Variants in PPP2R2B observed in about 807,000 individuals in gnomAD.
The protein encoded by PPP2R2B is serine/threonine-protein phosphatase 2A 55 kDa regulatory subunit B beta isoform.
A neutral mutation model predicts 46.0 loss-of-function variants in PPP2R2B; 5 were observed. That is an observed-to-expected ratio of 0.11 (90% CI 0.06 to 0.23). The LOEUF is 0.23. PPP2R2B is among the 10% of genes least tolerant of loss of function. The pLI, the probability that PPP2R2B is intolerant of heterozygous loss-of-function variation, is 1.00. For missense variants in PPP2R2B, 367 were observed against 575.0 expected (o/e 0.64, Z 3.70); for synonymous variants, 215 against 206.7 (o/e 1.04, Z -0.34).
chr5:146,769,812 T>C (rs927841095), intron 2 of PPP2R2B, among the ~76,000 whole-genome samples: 1 of 152,104 alleles, frequency 6.6e-6, no homozygotes, highest in African/African-American at 2.4e-5. Flanking sequence ...TAAAAACAGG[T>C]AAATACACAA....
At chr5:146,617,182 G>C (rs975916523) in intron 7 of PPP2R2B, among the ~76,000 whole-genome samples, 1 of 152,102 alleles carries the variant, frequency 6.6e-6, no homozygotes, top group African/African-American at 2.4e-5. Context: ...AAACAATTGA[G>C]TTCATGGAGA....
Position 146,925,476 on chromosome 5 carries a change from C to T in PPP2R2B, c.79+130189G>A, listed in dbSNP as rs76989914. 5.6e-3 allele frequency among the ~76,000 whole-genome samples: 855 copies of T among 152,282 alleles called. 28 individuals are homozygous for T. In the East Asian group the frequency reaches 0.066, roughly 12 times the overall value. On this transcript the variant is annotated intron_variant, in intron 1 of 8. Coordinates refer to the PPP2R2B transcript ENST00000336640. ...GATGTGCTATTCTTCTTCCTTCTGG[C>T]ATCCATGGTTTTAGATGAGAAGCCA...
chr5:146,877,866 G>T, intron 2 of PPP2R2B, 136 bp downstream of exon 2: 2 of 1,044,836 alleles, frequency 1.9e-6, no homozygotes, highest in Non-Finnish European at 1.4e-6. Flanking sequence ...TGGGGCTGCC[G>T]GGGCCAGCCG....
intron 1 of PPP2R2B, among the ~76,000 whole-genome samples, chr5:146,925,336 TA>T (rs1763747590): frequency 2.0e-5 from 3 of 152,232 alleles, no homozygotes; most frequent in Admixed American, 6.5e-5. Flanking sequence ...CTGCTAGCAA[TA>T]CATTTGCTCA....
chr5:146,609,787 G>A (rs1307767630), intron 7 of PPP2R2B, among the ~76,000 whole-genome samples: 1 of 133,606 alleles, frequency 7.5e-6, no homozygotes, highest in Non-Finnish European at 1.6e-5. Flanking sequence ...TTTCAGACCG[G>A]CTTAAGAAAC....
rs904956663 is a variant in PPP2R2B, at chr5:146,669,477, T to A, written c.448-18753A>T. 2.0e-5 allele frequency among the ~76,000 whole-genome samples: 3 copies of A among 152,050 alleles called. No individual in the cohort carries two copies. In the East Asian group the frequency reaches 5.8e-4, roughly 29 times the overall value. Reference sequence around the variant, plus strand: ...TTTGCATAGTTTATATTCTACATTATTCTTTATATCCTATATATTTATATG... The same window carrying A: ...TTTGCATAGTTTATATTCTACATTAATCTTTATATCCTATATATTTATATG... On this transcript the variant is annotated intron_variant, in intron 5 of 9. Transcript: ENST00000394411.
At chr5:146,800,302 A>T (rs757717639) in intron 2 of PPP2R2B, among the ~76,000 whole-genome samples, 5 of 150,908 alleles carry the variant, frequency 3.3e-5, no homozygotes, top group Admixed American at 1.3e-4. Flanking sequence ...TATATAAATT[A>T]TCTCACTTCA....
chr5:146,961,811 A>AC (rs1554080533), intron 1 of PPP2R2B, among the ~76,000 whole-genome samples: 1 of 151,766 alleles, frequency 6.6e-6, no homozygotes, highest in Non-Finnish European at 1.5e-5. Context: ...CATGGAGGAG[A>AC]TTTTTTTTCA....
rs1756774981 is a variant in PPP2R2B, at chr5:146,800,133, A to G, written c.70+77869T>C. Reference sequence around the variant, plus strand: ...CATGAAAGAAATAATATGGATTTTTATAGCTCTAGGTCCATGCATCTTGAT... The same window carrying G: ...CATGAAAGAAATAATATGGATTTTTGTAGCTCTAGGTCCATGCATCTTGAT... On this transcript the variant is annotated intron_variant, in intron 2 of 9. Coordinates refer to ENST00000394411, the MANE Select transcript of PPP2R2B (RefSeq NM_181675.4). 2.6e-5 allele frequency among the ~76,000 whole-genome samples: 4 copies of G among 152,218 alleles called. No individual in the cohort carries two copies. In the South Asian group the frequency reaches 8.3e-4, roughly 32 times the overall value.
chr5:146,765,746 C>T (rs1309038636), intron 2 of PPP2R2B, among the ~76,000 whole-genome samples: 1 of 152,076 alleles, frequency 6.6e-6, no homozygotes, highest in Middle Eastern at 3.2e-3. Flanking sequence ...TATTTCACAC[C>T]ACAGGAAGTG....
intron 1 of PPP2R2B, among the ~76,000 whole-genome samples, chr5:146,937,073 G>A (rs992648772): frequency 2.0e-5 from 3 of 152,070 alleles, no homozygotes; most frequent in Non-Finnish European, 4.4e-5. Context: ...AAGCCAAGGC[G>A]GGCGGATGAC....
intron 2 of PPP2R2B, among the ~76,000 whole-genome samples, chr5:146,829,557 A>G (rs1758793621): frequency 6.6e-6 from 1 of 152,210 alleles, no homozygotes; most frequent in Non-Finnish European, 1.5e-5. Flanking sequence ...CTCTGCTGTC[A>G]TGCTTTAAGG....
At position 147,014,485 on chromosome 5, in the gene PPP2R2B, A is replaced by C. The variant is rs374191441; in HGVS notation, c.79+41180T>G. Among the ~76,000 whole-genome samples, 726 of 151,900 alleles carry C rather than the reference A, an allele frequency of 4.8e-3. 5 individuals are homozygous for C. Among genetic ancestry groups the C allele is most frequent in the African/African-American group, 0.016 (666 of 41,234 alleles). On this transcript the variant is annotated intron_variant, in intron 1 of 8. Transcript: ENST00000336640. ...ACAATAGCAAAGACTTGGAACCAAC[A>C]CAAATGTCCAACAATGATAGACTGG... is the stretch of plus-strand genomic sequence containing the variant.
chr5:146,779,613 C>T (rs1374750830), intron 2 of PPP2R2B, among the ~76,000 whole-genome samples: 3 of 152,148 alleles, frequency 2.0e-5, no homozygotes, highest in East Asian at 1.9e-4. Flanking sequence ...TAGAGGCCAA[C>T]AGTCTATTAC....
intron 1 of PPP2R2B, among the ~76,000 whole-genome samples, chr5:146,972,391 G>A (rs1752699099): frequency 6.6e-6 from 1 of 152,084 alleles, no homozygotes; most frequent in African/African-American, 2.4e-5. Flanking sequence ...CTCTGGATAT[G>A]AATCACTAAG....
intron 7 of PPP2R2B, among the ~76,000 whole-genome samples, chr5:146,604,672 C>T (rs1772092895): frequency 6.6e-6 from 1 of 152,130 alleles, no homozygotes; most frequent in Non-Finnish European, 1.5e-5. Context: ...GCTTTAAATA[C>T]ATTATTGCAT....
At chr5:146,779,920 T>C (rs554157787) in intron 2 of PPP2R2B, among the ~76,000 whole-genome samples, 1 of 152,262 alleles carries the variant, frequency 6.6e-6, no homozygotes, top group Non-Finnish European at 1.5e-5. Flanking sequence ...TGCTTTTGAG[T>C]TACATATAGG....
At chr5:146,716,672 C>T (rs1455551482) in intron 2 of PPP2R2B, among the ~76,000 whole-genome samples, 4 of 152,182 alleles carry the variant, frequency 2.6e-5, no homozygotes, top group Non-Finnish European at 5.9e-5. Context: ...TTTGCTTAAA[C>T]AATTCTTCAA....
chr5:146,795,536 G>A (rs911506607), intron 2 of PPP2R2B, among the ~76,000 whole-genome samples: 3 of 152,120 alleles, frequency 2.0e-5, no homozygotes, highest in Non-Finnish European at 4.4e-5. Context: ...GAGGAGTGAG[G>A]TATTGGGGAG....
Sources: gnomAD v4.1 joint callset for allele counts (sites outside exome capture counted in the v4.1 genomes callset) on GRCh38, gnomAD v4.1.1 for gene constraint, MANE v1.5 for transcripts, NCBI Gene and HGNC (gene_info 2026-07-23, HGNC 2026-07-21) for gene names.